Variants in DNM3 observed in about 807,000 individuals in gnomAD.
The protein encoded by DNM3 is dynamin 3, also known as dynamin-3.
In DNM3, 47 loss-of-function variants were observed where a neutral mutation model predicts 101.6. The ratio of observed to expected loss-of-function variants is 0.46; its 90% CI spans 0.37 to 0.59. DNM3 has a LOEUF of 0.59. Ranked by LOEUF, DNM3 falls within the 20% of genes least tolerant of loss-of-function variation. The probability of loss-of-function intolerance (pLI) is 0.00; values close to 1 mark genes in which losing one functional copy is unlikely to be tolerated. For missense variants in DNM3, 849 were observed against 1,085.7 expected, an observed-to-expected ratio of 0.78 and a Z score of 3.06; for synonymous variants, 385 against 387.9, an observed-to-expected ratio of 0.99 and a Z score of 0.09.
At chr1:172,041,278 T>A (rs1438867841) in intron 7 of DNM3, among the ~76,000 whole-genome samples, 1 of 152,058 alleles carries the variant, frequency 6.6e-6, no homozygotes, top group Non-Finnish European at 1.5e-5. Flanking sequence ...TCCCTGCAAC[T>A]GTTGGGTGAG....
chr1:172,280,787 A>G (rs561950724), intron 15 of DNM3, among the ~76,000 whole-genome samples: 12 of 152,336 alleles, frequency 7.9e-5, no homozygotes, highest in African/African-American at 2.4e-4. Flanking sequence ...ATGAAAATTA[A>G]TAGTATCCAG....
chr1:172,117,371 C>T (rs2055986838), intron 13 of DNM3, among the ~76,000 whole-genome samples: 1 of 152,056 alleles, frequency 6.6e-6, no homozygotes, highest in African/African-American at 2.4e-5. Flanking sequence ...TTGTATCTCT[C>T]AGAATTCCCA....
intron 15 of DNM3, among the ~76,000 whole-genome samples, chr1:172,269,364 A>T (rs1032175979): frequency 6.6e-6 from 1 of 152,180 alleles, no homozygotes; most frequent in Non-Finnish European, 1.5e-5. Flanking sequence ...GCAGCTTGGG[A>T]CAGAAGTGTG....
At chr1:172,061,552 C>A (rs1445929952) in intron 10 of DNM3, among the ~76,000 whole-genome samples, 4 of 151,738 alleles carry the variant, frequency 2.6e-5, no homozygotes, top group Non-Finnish European at 5.9e-5. Flanking sequence ...TTTGTAGGGA[C>A]ATGGATGAAA....
chr1:172,115,478 T>C (rs1426815032), intron 13 of DNM3, among the ~76,000 whole-genome samples: 2 of 152,210 alleles, frequency 1.3e-5, no homozygotes, highest in African/African-American at 4.8e-5. Context: ...AACCCTCTAG[T>C]GATTTCCATC....
chr1:171,906,346 T>G (rs1337723034), intron 1 of DNM3, among the ~76,000 whole-genome samples: 1 of 152,064 alleles, frequency 6.6e-6, no homozygotes, highest in Non-Finnish European at 1.5e-5. Flanking sequence ...CAGGCTAGTC[T>G]TGAACTCCTG....
At chr1:172,046,610 A>G (rs1484543856) in intron 9 of DNM3, among the ~76,000 whole-genome samples, 1 of 152,194 alleles carries the variant, frequency 6.6e-6, no homozygotes, top group Non-Finnish European at 1.5e-5. Context: ...AATCTGCTCC[A>G]CAAATCTCAA....
intron 15 of DNM3, among the ~76,000 whole-genome samples, chr1:172,292,077 A>C (rs1420864944): frequency 6.6e-6 from 1 of 152,210 alleles, no homozygotes; most frequent in Non-Finnish European, 1.5e-5. Context: ...ATAGGAGGTC[A>C]CGTGCACAGG....
At position 172,232,495 on chromosome 1, in the gene DNM3, C is replaced by A. The variant is rs866850555; in HGVS notation, c.1660-21078C>A. Among the ~76,000 whole-genome samples, 52 of 152,300 alleles carry A rather than the reference C, an allele frequency of 3.4e-4. 1 individual carries two copies. The highest frequency in any genetic ancestry group is 1.1e-3 in the African/African-American group (47 of 41,566). ...ACAGATCAACGAGACAGAAAGTTAA[C>A]AAGGATATCCAGGAACTGAACTCCG... On this transcript the variant is annotated intron_variant, in intron 14 of 20. Transcript: ENST00000627582.
At chr1:172,262,175 A>T (rs2062682879) in intron 15 of DNM3, among the ~76,000 whole-genome samples, 1 of 152,076 alleles carries the variant, frequency 6.6e-6, no homozygotes, top group South Asian at 2.1e-4. Flanking sequence ...CATGGGCTTC[A>T]TTTGTGTCTT....
chr1:172,266,517 A>T (rs969646312), intron 15 of DNM3, among the ~76,000 whole-genome samples: 31 of 152,224 alleles, frequency 2.0e-4, no homozygotes, highest in African/African-American at 6.5e-4. Flanking sequence ...ACAAGACACC[A>T]GGATAAATTA....
chr1:172,175,400 T>C (rs2059121037), intron 14 of DNM3, among the ~76,000 whole-genome samples: 1 of 151,810 alleles, frequency 6.6e-6, no homozygotes, highest in African/African-American at 2.4e-5. Context: ...TATTGATTTA[T>C]CCATTAGTTA....
chr1:172,064,476 G>A (rs2051491784), intron 10 of DNM3, among the ~76,000 whole-genome samples: 1 of 151,958 alleles, frequency 6.6e-6, no homozygotes, highest in Non-Finnish European at 1.5e-5. Context: ...CTAAGTAAAG[G>A]GTGACACAAA....
intron 15 of DNM3, among the ~76,000 whole-genome samples, chr1:172,306,415 G>T (rs2064818185): frequency 6.6e-6 from 1 of 152,112 alleles, no homozygotes; most frequent in Non-Finnish European, 1.5e-5. Flanking sequence ...CATGTTCATG[G>T]ATAGGAAGAA....
intron 17 of DNM3, among the ~76,000 whole-genome samples, chr1:172,333,181 G>C (rs1362918732): frequency 2.0e-5 from 3 of 152,192 alleles, no homozygotes; most frequent in Non-Finnish European, 4.4e-5. Context: ...AGGGATTCTT[G>C]TGAATTTTTT....
chr1:171,957,432 T>C (rs1244774496), intron 2 of DNM3, among the ~76,000 whole-genome samples: 1 of 152,094 alleles, frequency 6.6e-6, no homozygotes, highest in Non-Finnish European at 1.5e-5. Flanking sequence ...TCTCCTGACC[T>C]TGTGATCTGC....
intron 17 of DNM3, among the ~76,000 whole-genome samples, chr1:172,360,070 T>A (rs1255379664): frequency 2.6e-5 from 4 of 152,056 alleles, no homozygotes; most frequent in Admixed American, 2.6e-4. Context: ...TTTAAAAAAA[T>A]TAGTTGTTTC....
intron 13 of DNM3, among the ~76,000 whole-genome samples, chr1:172,097,434 T>C (rs2054320857): frequency 6.6e-6 from 1 of 152,008 alleles, no homozygotes; most frequent in Non-Finnish European, 1.5e-5. Context: ...GGTGCTGATT[T>C]CAATTTTGAA....
At chr1:171,974,008 A>G (rs1178177158) in intron 2 of DNM3, among the ~76,000 whole-genome samples, 2 of 151,888 alleles carry the variant, frequency 1.3e-5, no homozygotes, top group Middle Eastern at 3.4e-3. Flanking sequence ...TTTAATCACT[A>G]GTGTTTTTTA....
Sources: allele counts gnomAD v4.1 joint callset (sites outside exome capture counted in the v4.1 genomes callset), GRCh38; gene constraint gnomAD v4.1.1; transcripts MANE v1.5; gene names NCBI Gene and HGNC (gene_info 2026-07-23, HGNC 2026-07-21).